Variants in CACNA1B observed in about 807,000 individuals in gnomAD.
The protein encoded by CACNA1B is voltage-dependent N-type calcium channel subunit alpha-1B.
In CACNA1B, 70 loss-of-function variants were observed where a neutral mutation model predicts 247.2. That is an observed-to-expected ratio of 0.28 (90% confidence interval 0.23 to 0.35). The LOEUF is 0.35. CACNA1B is among the 10% of genes least tolerant of loss of function. The pLI, the probability that CACNA1B is intolerant of heterozygous loss-of-function variation, is 1.00. For missense variants in CACNA1B, 2,367 were observed against 3,197.4 expected, an observed-to-expected ratio of 0.74 and a Z score of 6.26; for synonymous variants, 1,231 against 1,294.4, an observed-to-expected ratio of 0.95 and a Z score of 1.05.
At chr9:137,890,247 G>GA (rs1786160538) in intron 3 of CACNA1B, 1 of 149,822 alleles carries the variant, frequency 6.7e-6, no homozygotes, top group African/African-American at 2.4e-5. Flanking sequence ...CCCAAGGGAG[G>GA]GTTGGCCTCT....
chr9:137,917,536 C>A lies in CACNA1B; in HGVS notation c.966+105C>A. 1.0e-6 allele frequency: 1 copy of A among 995,034 alleles called. No individual in the cohort carries two copies. Among genetic ancestry groups the A allele is most frequent in the Non-Finnish European group, 1.5e-6 (1 of 660,410 alleles). 61.6% of individuals were successfully genotyped at this position (995,034 alleles called of 1,614,324 possible). A position where few individuals can be genotyped will look rare whatever the true frequency, so the allele number is the denominator to read the frequency against. On this transcript the variant is annotated intron_variant, in intron 6 of 46. Coordinates refer to ENST00000371372, the MANE Select transcript of CACNA1B (RefSeq NM_000718.4). This position sits in a 1 kb window ranked among gnomAD's most constrained non-coding sequence, Gnocchi z 5.5. The stretch of plus-strand genomic sequence containing the variant: ...GGCCCTTCTGACCTCAGAGCCTCTG[C>A]CCAGCCCTAGGCTCCTCCCTGCACC...
At position 138,120,260 on chromosome 9, in the gene CACNA1B, AC is replaced by A; in HGVS notation, c.6131del (p.Pro2044LeufsTer125). The A allele has an allele frequency of 1.3e-6, 2 of 1,597,850 alleles. No individual in the cohort carries two copies. The highest frequency in any genetic ancestry group is 2.3e-5 in the South Asian group (2 of 88,594). Reference protein sequence around the residue: ...HLCSTTPDRPPPSQASSHHHH... With the variant: ...HLCSTTPDRPXPSQASSHHHH... Reference sequence around the variant, plus strand: ...TTTGCAGCACCACCCCGGACCGCCCACCCCCTAGCCAGGCGTCGTCGCACCA... The same window carrying A: ...TTTGCAGCACCACCCCGGACCGCCCACCCCTAGCCAGGCGTCGTCGCACCA... On this transcript the variant is annotated frameshift_variant, in exon 45 of 47. Transcript: ENST00000371372. LOFTEE classifies it high-confidence loss of function.
At chr9:137,915,927 G>A (rs552798401) in intron 5 of CACNA1B, among the ~76,000 whole-genome samples, 1 of 152,126 alleles carries the variant, frequency 6.6e-6, no homozygotes, top group East Asian at 1.9e-4. Flanking sequence ...ATAAACTTAG[G>A]TAGTCAGTTT....
intron 20 of CACNA1B, among the ~76,000 whole-genome samples, chr9:138,039,671 A>C (rs1959092637): frequency 6.6e-6 from 1 of 152,060 alleles, no homozygotes; most frequent in Non-Finnish European, 1.5e-5. Flanking sequence ...TTAGAACTTA[A>C]GTTAGATTAG....
intron 39 of CACNA1B, among the ~76,000 whole-genome samples, chr9:138,106,664 A>C (rs2131355282): frequency 6.6e-6 from 1 of 152,282 alleles, no homozygotes; most frequent in East Asian, 1.9e-4. Context: ...CTAGCTATTC[A>C]GGAGGCTGAG....
rs541711029 is a variant in CACNA1B, at chr9:137,882,993, C to T, written c.530+110C>T. 1 of 1,146,378 alleles carries T rather than the reference C, an allele frequency of 8.7e-7. No individual in the cohort carries two copies. The highest frequency in any genetic ancestry group is 1.8e-5 in the Admixed American group (1 of 55,114). 71.0% of individuals were successfully genotyped at this position (1,146,378 alleles called of 1,614,324 possible). On this transcript the variant is annotated intron_variant, in intron 3 of 46. Coordinates refer to ENST00000371372, the MANE Select transcript of CACNA1B (RefSeq NM_000718.4). The surrounding 1 kb of genome is among the most constrained non-coding windows in gnomAD (Gnocchi z 4.0). The stretch of plus-strand genomic sequence containing the variant: ...AGCTGCAGTCCCCTCACTGGGGTCC[C>T]CTCACAGCCCTGCTGGAGATGAACG...
Position 138,122,723 on chromosome 9 carries a change from C to T in CACNA1B, c.*724C>T, listed in dbSNP as rs981126604. ...AAAGAAAGATGTCAGCTTTTTGCCA[C>T]GTGTCTTTGTGGCTTATGCGAGGAG... On this transcript the variant is annotated 3_prime_UTR_variant, in exon 47 of 47. Transcript: ENST00000371372. The T allele has an allele frequency of 4.6e-5, 7 of 152,264 alleles. No homozygotes were observed. The highest frequency in any genetic ancestry group is 8.8e-5 in the Non-Finnish European group (6 of 68,088). 9.4% of individuals were successfully genotyped at this position (152,264 alleles called of 1,614,324 possible).
intron 20 of CACNA1B, among the ~76,000 whole-genome samples, chr9:138,037,671 CA>C (rs371923498): frequency 0.023 from 3,267 of 141,664 alleles, 49 homozygotes; most frequent in South Asian, 0.06. Flanking sequence ...AAAAAACAAA[CA>C]AAAAAAAAAA....
At chr9:137,989,386 G>A (rs1021315772) in intron 15 of CACNA1B, among the ~76,000 whole-genome samples, 1 of 152,180 alleles carries the variant, frequency 6.6e-6, no homozygotes, top group African/African-American at 2.4e-5. Flanking sequence ...AGAGAAGGAA[G>A]TGAGGGTGGG....
intron 20 of CACNA1B, among the ~76,000 whole-genome samples, chr9:138,037,759 A>G (rs1589084315): frequency 6.6e-6 from 1 of 151,982 alleles, no homozygotes; most frequent in East Asian, 1.9e-4. Context: ...TGGTATCAGG[A>G]GCTCTGTCAT....
At chr9:138,038,894 G>C (rs1190019749) in intron 20 of CACNA1B, among the ~76,000 whole-genome samples, 1 of 152,246 alleles carries the variant, frequency 6.6e-6, no homozygotes, top group South Asian at 2.1e-4. Context: ...TTTTTAAAAA[G>C]AGAAAAGTGG....
At chr9:138,096,649 G>A (rs376300566) in intron 37 of CACNA1B, 38 bp downstream of exon 37, 3 of 1,591,564 alleles carry the variant, frequency 1.9e-6, no homozygotes, top group Non-Finnish European at 2.6e-6. Context: ...CTTGGGGGTG[G>A]TCCATGCCCA....
chr9:137,878,342 G>C (rs1956865556), intron 1 of CACNA1B, 125 bp downstream of exon 1: 1 of 825,168 alleles, frequency 1.2e-6, no homozygotes, highest in Non-Finnish European at 1.6e-6. Context: ...GGCGAGGGGG[G>C]TACGGAGCGC....
intron 36 of CACNA1B, among the ~76,000 whole-genome samples, chr9:138,082,080 C>T (rs954108552): frequency 6.6e-6 from 1 of 151,092 alleles, no homozygotes; most frequent in African/African-American, 2.5e-5. Flanking sequence ...ATCTTTATGA[C>T]GTTTTACTTA....
intron 3 of CACNA1B, among the ~76,000 whole-genome samples, chr9:137,900,848 CCTGTGT>C (rs376243648): frequency 1.7e-5 from 2 of 115,662 alleles, no homozygotes; most frequent in East Asian, 2.8e-4. Flanking sequence ...GCTGTGTGTC[CCTGTGT>C]CTGTGTCTGT....
Position 138,118,736 on chromosome 9 carries a change from G to A in CACNA1B, c.5998G>A (p.Ala2000Thr). Residue 2000 changes from alanine (A) to threonine (T), a missense_variant, in exon 44 of 47, where the codon GCC becomes ACC. Ala to Thr is a moderately conservative substitution (Grantham distance 58). Around this residue, in one of 12 missense-constraint regions of CACNA1B, gnomAD observed 773 missense variants for 779.4 expected, o/e 0.99. Coordinates refer to ENST00000371372, the MANE Select transcript of CACNA1B (RefSeq NM_000718.4). The stretch of plus-strand genomic sequence containing the variant: ...TGGGCTGGAGAGCCAGGGTCGAGCG[G>A]CCTCCATGCCCCGCCTTGCGGCCGA... The part of the protein sequence containing the change: ...QPGLESQGRA[A>T]SMPRLAAETQ... 2 of 1,542,836 alleles carry A rather than the reference G, an allele frequency of 1.3e-6. No homozygotes were observed. The highest frequency in any genetic ancestry group is 1.8e-6 in the Non-Finnish European group (2 of 1,140,992).
intron 15 of CACNA1B, among the ~76,000 whole-genome samples, chr9:137,992,789 T>G (rs1016977744): frequency 3.1e-4 from 40 of 129,494 alleles, no homozygotes; most frequent in Admixed American, 3.2e-4. Context: ...AGAGCGAGAC[T>G]CCGTCTCAAA....
Position 138,058,383 on chromosome 9 carries a change from C to T in CACNA1B, c.4308+133C>T. On this transcript the variant is annotated intron_variant, in intron 28 of 46. Coordinates refer to ENST00000371372, the MANE Select transcript of CACNA1B (RefSeq NM_000718.4). This position sits in a 1 kb window ranked among gnomAD's most constrained non-coding sequence, Gnocchi z 4.7. ...GTCTGCCAACACAGGGGCAGGTCCTCCTTTCTCCTGCAGAGGGACCGGATT... is the reference window on the plus strand; with the variant it reads ...GTCTGCCAACACAGGGGCAGGTCCTTCTTTCTCCTGCAGAGGGACCGGATT... 1 of 963,522 alleles carries T rather than the reference C, an allele frequency of 1.0e-6. No individual in the cohort carries two copies. The highest frequency in any genetic ancestry group is 2.4e-5 in the East Asian group (1 of 41,438). 59.7% of individuals were successfully genotyped at this position (963,522 alleles called of 1,614,324 possible).
At chr9:137,909,400 C>G (rs545618621) in intron 3 of CACNA1B, among the ~76,000 whole-genome samples, 10 of 152,334 alleles carry the variant, frequency 6.6e-5, no homozygotes, top group African/African-American at 2.4e-4. Context: ...TACTTACTGT[C>G]TCTATGAATT....
Sources: allele counts gnomAD v4.1 joint callset (sites outside exome capture counted in the v4.1 genomes callset), GRCh38; gene constraint gnomAD v4.1.1; regional missense constraint gnomAD v4.1.1; non-coding constraint Gnocchi (gnomAD v3.1); transcripts MANE v1.5; gene names NCBI Gene and HGNC (gene_info 2026-07-23, HGNC 2026-07-21).